Variants in CFAP65 observed in about 807,000 individuals in gnomAD.
CFAP65 encodes cilia and flagella associated protein 65.
A neutral mutation model predicts 208.0 loss-of-function variants in CFAP65; 155 were observed. That is an observed-to-expected ratio of 0.75 (90% confidence interval 0.65 to 0.85). CFAP65 has a LOEUF of 0.85. CFAP65 is among the 40% of genes least tolerant of loss of function. The probability of loss-of-function intolerance (pLI) is 0.00; values close to 1 mark genes in which losing one functional copy is unlikely to be tolerated. For missense variants in CFAP65, 2,294 were observed against 2,451.3 expected, an observed-to-expected ratio of 0.94 and a Z score of 1.36; for synonymous variants, 970 against 986.3, an observed-to-expected ratio of 0.98 and a Z score of 0.31.
intron 11 of CFAP65, 103 bp downstream of exon 11, chr2:219,029,300 A>T: frequency 7.0e-7 from 1 of 1,432,858 alleles, no homozygotes; most frequent in Non-Finnish European, 9.4e-7. Context: ...AGACAGCCCT[A>T]GAAGTTCCAG....
Position 219,011,082 on chromosome 2 carries a change from G to A in CFAP65, c.3958-86C>T, listed in dbSNP as rs1398443777. 9.4e-6 allele frequency: 12 copies of A among 1,283,052 alleles called. No individual in the cohort carries two copies. The East Asian group carries it at 2.4e-4, about 25-fold the overall frequency. 79.5% of individuals were successfully genotyped at this position (1,283,052 alleles called of 1,614,324 possible). On this transcript the variant is annotated intron_variant, in intron 24 of 34. Coordinates refer to ENST00000341552, the MANE Select transcript of CFAP65 (RefSeq NM_194302.4). The stretch of plus-strand genomic sequence containing the variant: ...TGGGATGCTGTGCCCACTGTGGGAG[G>A]GCAGGCTGATCTCCATGATGTCACC...
In CFAP65 at chr2:219,027,435, GAGACTTACATAAGA is replaced by G. The variant is rs1385685370; in HGVS notation, c.2211+201_2211+214del. The stretch of plus-strand genomic sequence containing the variant: ...CTGAGTTCTCCCTTGGAGGGGAGGG[GAGACTTACATAAGA>G]ATGAGAAAATCAGATGGGCCGAGCT... On this transcript the variant is annotated intron_variant, in intron 13 of 34. Coordinates refer to ENST00000341552, the MANE Select transcript of CFAP65 (RefSeq NM_194302.4). The G allele has an allele frequency of 2.0e-6, 3 of 1,519,054 alleles. No individual in the cohort carries two copies. The African/African-American group carries it at 4.2e-5, about 21-fold the overall frequency. 94.1% of individuals were successfully genotyped at this position (1,519,054 alleles called of 1,614,324 possible).
At chr2:219,010,395 G>A (rs1000843066) in intron 26 of CFAP65, 151 bp downstream of exon 26, 2 of 805,342 alleles carry the variant, frequency 2.5e-6, no homozygotes, top group African/African-American at 1.8e-5. Context: ...TGAATCTGGA[G>A]GAGGGTGAGT....
intron 13 of CFAP65, chr2:219,027,013 A>T (rs1044748879): frequency 2.2e-4 from 220 of 994,470 alleles, no homozygotes; most frequent in Admixed American, 6.2e-4. Flanking sequence ...CTGGTAAGTG[A>T]CCCTGATCTT....
Position 219,029,400 on chromosome 2 carries a change from C to G in CFAP65, c.1650+3G>C. ...TCAGCCTCATGCCCTCCCCACGACT[C>G]ACCTGGTGGTGGATGAGACAGGCCA... On this transcript the variant is annotated splice_donor_region_variant and intron_variant, in intron 11 of 34. Coordinates refer to ENST00000341552, the MANE Select transcript of CFAP65 (RefSeq NM_194302.4). 1 of 1,611,232 alleles carries G rather than the reference C, an allele frequency of 6.2e-7. No individual in the cohort carries two copies. The highest frequency in any genetic ancestry group is 8.5e-7 in the Non-Finnish European group (1 of 1,178,004).
At chr2:219,008,305 C>G (rs749780134) in intron 29 of CFAP65, among the ~76,000 whole-genome samples, 1 of 152,146 alleles carries the variant, frequency 6.6e-6, no homozygotes, top group African/African-American at 2.4e-5. Context: ...GTCACAGTAC[C>G]CACCCCCACT....
In CFAP65 at chr2:219,004,075, C is replaced by A. The variant is rs1945766932; in HGVS notation, c.5432G>T (p.Trp1811Leu). 1 of 1,613,914 alleles carries A rather than the reference C, an allele frequency of 6.2e-7. No homozygotes were observed. The highest frequency in any genetic ancestry group is 1.3e-5 in the African/African-American group (1 of 74,900). ...CTGTGGTGTGGGCCCGATGCCCGCC[C>A]AGCTCACTTTCTCTTCCTTCTCATC... ...ERDEKEEKVSWAGIGPTPQPE... is the reference protein window; with the variant it reads ...ERDEKEEKVSLAGIGPTPQPE... The change falls in exon 33 of 35, where the codon TGG (tryptophan) becomes TTG (leucine). Residue 1811 changes from tryptophan (W) to leucine (L), a missense_variant. Transcript: ENST00000341552. The surrounding 1 kb of genome is among the most constrained non-coding windows in gnomAD (Gnocchi z 4.7).
Position 219,032,715 on chromosome 2 carries a change from G to T in CFAP65, c.543-143C>A. 1.5e-6 allele frequency: 1 copy of T among 663,678 alleles called. No homozygotes were observed. Among genetic ancestry groups the T allele is most frequent in the Non-Finnish European group, 2.5e-6 (1 of 392,404 alleles). 41.1% of individuals were successfully genotyped at this position (663,678 alleles called of 1,614,324 possible). The stretch of plus-strand genomic sequence containing the variant: ...AGCGATCAGGAGATGAGCACGTGGA[G>T]ATGGAAACTCAGGGGTTTGGTCACA... On this transcript the variant is annotated intron_variant, in intron 5 of 34. Transcript: ENST00000341552. The surrounding 1 kb of genome is among the most constrained non-coding windows in gnomAD (Gnocchi z 5.5).
rs995746264 is a variant in CFAP65 at position 219,024,160 on chromosome 2, C to G, written c.2450G>C (p.Gly817Ala). 1 of 1,613,888 alleles carries G rather than the reference C, an allele frequency of 6.2e-7. No homozygotes were observed. The highest frequency in any genetic ancestry group is 8.5e-7 in the Non-Finnish European group (1 of 1,180,038). The change falls in exon 15 of 35, where the codon GGC (glycine) becomes GCC (alanine). Residue 817 changes from glycine (G) to alanine (A), a missense_variant. Physicochemically the swap from Gly to Ala is moderately conservative, Grantham distance 60. Coordinates refer to ENST00000341552, the MANE Select transcript of CFAP65 (RefSeq NM_194302.4). The stretch of plus-strand genomic sequence containing the variant: ...AGTGGGCCGAAGGATGACGTCTGAG[C>G]CTCTCTGGGGGGCCAGGCTGAAGGT... ...LLTFSLAPQR[G>A]SDVILRPTSG...
chr2:219,037,472 T>G (rs2106269785), intron 4 of CFAP65, among the ~76,000 whole-genome samples: 1 of 151,866 alleles, frequency 6.6e-6, no homozygotes, highest in South Asian at 2.1e-4. Flanking sequence ...AACCTGGGAG[T>G]TGGCAACAAG....
chr2:219,006,447 T>C lies in CFAP65; in HGVS notation c.4719+18A>G. The C allele has an allele frequency of 6.2e-7, 1 of 1,613,560 alleles. No individual in the cohort carries two copies. Among genetic ancestry groups the C allele is most frequent in the Non-Finnish European group, 8.5e-7 (1 of 1,179,874 alleles). ...CCAAGTTGTCCCAAGAAGATGGGCC[T>C]GGGGCTCGCCGCCTCACCTTGTACT... is the stretch of plus-strand genomic sequence containing the variant. On this transcript the variant is annotated intron_variant, in intron 30 of 34. Transcript: ENST00000341552.
rs369870282 is a variant in CFAP65, at chr2:219,031,307, T to C, written c.816-2A>G. The C allele has an allele frequency of 1.9e-6, 3 of 1,613,100 alleles. No homozygotes were observed. The African/African-American group carries it at 4.0e-5, about 22-fold the overall frequency. ...CAGGTGAAGAAGGTGGGCAGGTCCC[T>C]GGGGGTGGGGGGCAGGTCAGGGCAC... On this transcript the variant is annotated splice_acceptor_variant, in intron 7 of 34. Transcript: ENST00000341552. LOFTEE classifies it high-confidence loss of function. The surrounding 1 kb of genome is among the most constrained non-coding windows in gnomAD (Gnocchi z 5.2).
At chr2:219,021,491 GCAGCCCT>G (rs1393585623) in intron 18 of CFAP65, among the ~76,000 whole-genome samples, 1 of 152,166 alleles carries the variant, frequency 6.6e-6, no homozygotes, top group Non-Finnish European at 1.5e-5. Context: ...TCCCCACCTA[GCAGCCCT>G]GTGAGGTAGG....
At chr2:219,037,335 T>C (rs1948426172) in intron 4 of CFAP65, among the ~76,000 whole-genome samples, 1 of 152,236 alleles carries the variant, frequency 6.6e-6, no homozygotes, top group Admixed American at 6.5e-5. Flanking sequence ...GAGGTTGCAG[T>C]GAGCTGAGAT....
At chr2:219,026,185 A>G (rs1258422586) in intron 13 of CFAP65, 26 bp from the exon 14 acceptor site, 1 of 1,600,308 alleles carries the variant, frequency 6.2e-7, no homozygotes, top group South Asian at 1.1e-5. Context: ...ACCCACGGAA[A>G]AGCTCAGAGT....
intron 15 of CFAP65, 85 bp from the exon 16 acceptor site, chr2:219,023,516 G>T: frequency 9.9e-7 from 1 of 1,011,000 alleles, no homozygotes; most frequent in Non-Finnish European, 1.5e-6. Context: ...CCATGGCTAG[G>T]CAGCTTTCCC....
chr2:219,030,897 A>G, intron 8 of CFAP65, 63 bp from the exon 9 acceptor site: 2 of 1,559,572 alleles, frequency 1.3e-6, no homozygotes, highest in South Asian at 2.4e-5. Flanking sequence ...CCAGCTGAAC[A>G]GCCCCTCGAA....
chr2:219,027,931 T>G lies in CFAP65; in HGVS notation c.1930A>C (p.Ile644Leu). 6.6e-7 allele frequency: 1 copy of G among 1,522,388 alleles called. No homozygotes were observed. Among genetic ancestry groups the G allele is most frequent in the Non-Finnish European group, 8.8e-7 (1 of 1,135,654 alleles). The allele number at this position is 1,522,388 out of a possible 1,614,324, so 94.3% of individuals were successfully genotyped here. Residue 644 changes from isoleucine to leucine, a missense_variant, in exon 13 of 35, where the codon ATA (isoleucine) becomes CTA (leucine). This residue lies in a region of CFAP65 where 867 missense variants were observed against 1,012.6 expected (regional missense o/e 0.86). Transcript: ENST00000341552. Reference protein sequence around the residue: ...TEFFFDGTSDITIFPPPISVE... With the variant: ...TEFFFDGTSDLTIFPPPISVE... ...CTGATGGGCGGGGGGAAGATGGTTA[T>G]GTCGCTGGTGCCGTCGAAGAAGAAC...
chr2:219,036,848 C>T (rs1039557466), intron 4 of CFAP65, among the ~76,000 whole-genome samples: 8 of 152,136 alleles, frequency 5.3e-5, no homozygotes, highest in Admixed American at 2.0e-4. Context: ...TATCATGCAC[C>T]GGACACTGTG....
Sources: gnomAD v4.1 joint callset for allele counts (sites outside exome capture counted in the v4.1 genomes callset) on GRCh38, gnomAD v4.1.1 for gene constraint, gnomAD v4.1.1 regional missense constraint, Gnocchi (gnomAD v3.1) non-coding constraint, MANE v1.5 for transcripts, NCBI Gene and HGNC (gene_info 2026-07-23, HGNC 2026-07-21) for gene names.